The following ANKFN1 variants were observed in gnomAD, a reference collection of about 807,000 sequenced individuals.
ANKFN1 encodes ankyrin repeat and fibronectin type-III domain-containing protein 1.
In ANKFN1, 74 loss-of-function variants were observed where a neutral mutation model predicts 108.7. The observed-to-expected ratio is 0.68, with a 90% confidence interval of 0.56 to 0.83. The LOEUF (loss-of-function observed/expected upper bound fraction) is 0.83. ANKFN1 is among the 40% of genes least tolerant of loss of function. The pLI, the probability that ANKFN1 is intolerant of heterozygous loss-of-function variation, is 0.00. For synonymous variants in ANKFN1, 547 were observed against 516.2 expected, an observed-to-expected ratio of 1.06 and a Z score of -0.81; for missense variants, 1,505 against 1,382.3, an observed-to-expected ratio of 1.09 and a Z score of -1.41.
chr17:56,197,641 A>G (rs1418136707), intron 1 of ANKFN1, among the ~76,000 whole-genome samples: 1 of 152,238 alleles, frequency 6.6e-6, no homozygotes, highest in African/African-American at 2.4e-5. Flanking sequence ...TGCTGACTGC[A>G]GGAACTCTCT....
In ANKFN1 at chr17:56,215,024, T is replaced by C. The variant is rs144306439; in HGVS notation, c.12+2345T>C. 1.7e-3 allele frequency among the ~76,000 whole-genome samples: 262 copies of C among 152,274 alleles called. 3 individuals carry two copies. The highest frequency in any genetic ancestry group is 6.1e-3 in the African/African-American group (252 of 41,550). Reference sequence around the variant, plus strand: ...TCCCCATCCACATAACTGGAGGAAATCCACTCACTTTTCCAATATCTCTGA... The same window carrying C: ...TCCCCATCCACATAACTGGAGGAAACCCACTCACTTTTCCAATATCTCTGA... On this transcript the variant is annotated intron_variant, in intron 2 of 20. Transcript: ENST00000682825.
chr17:56,413,258 T>C, intron 8 of ANKFN1, among the ~76,000 whole-genome samples: 1 of 152,202 alleles, frequency 6.6e-6, no homozygotes, highest in Non-Finnish European at 1.5e-5. Flanking sequence ...GCTAGTGAGT[T>C]TTGAACATTG....
At chr17:56,305,414 G>A (rs1297868745) in intron 3 of ANKFN1, among the ~76,000 whole-genome samples, 1 of 152,066 alleles carries the variant, frequency 6.6e-6, no homozygotes, top group African/African-American at 2.4e-5. Flanking sequence ...TATTTCAAAT[G>A]CTGATTTCAT....
intron 6 of ANKFN1, among the ~76,000 whole-genome samples, chr17:56,354,657 G>A (rs915508929): frequency 1.3e-5 from 2 of 152,186 alleles, no homozygotes; most frequent in Admixed American, 6.5e-5. Flanking sequence ...TTTTAAATAG[G>A]GTTGATACCC....
chr17:56,192,952 CAT>C (rs1222147990), intron 1 of ANKFN1, among the ~76,000 whole-genome samples: 1 of 142,214 alleles, frequency 7.0e-6, no homozygotes, highest in African/African-American at 2.7e-5. Flanking sequence ...CACATGCACA[CAT>C]ATGTTTATTG....
chr17:56,082,463 G>A (rs1905260719), intron 4 of ANKFN1, among the ~76,000 whole-genome samples: 1 of 150,944 alleles, frequency 6.6e-6, no homozygotes. Flanking sequence ...ACGAGGCACT[G>A]AGCCTTGTCA....
At chr17:56,210,085 GA>G (rs1914867366) in intron 1 of ANKFN1, among the ~76,000 whole-genome samples, 3 of 152,122 alleles carry the variant, frequency 2.0e-5, no homozygotes, top group African/African-American at 7.2e-5. Context: ...TAGATAGATA[GA>G]TAGATAGATA....
At chr17:56,245,693 A>G (rs936696962) in intron 3 of ANKFN1, 2 of 152,172 alleles carry the variant, frequency 1.3e-5, no homozygotes, top group African/African-American at 4.8e-5. Flanking sequence ...TAATTATGTC[A>G]TTAAAATGAA....
intron 3 of ANKFN1, among the ~76,000 whole-genome samples, chr17:56,258,693 G>A (rs992497538): frequency 6.6e-6 from 1 of 152,078 alleles, no homozygotes; most frequent in Non-Finnish European, 1.5e-5. Flanking sequence ...GGCGGATCAC[G>A]AGGTCAGGAG....
chr17:56,372,726 CAGGTGG>C lies in ANKFN1; in HGVS notation c.685_690del (p.Val229_Glu230del). 6.2e-7 allele frequency: 1 copy of C among 1,613,952 alleles called. No individual in the cohort carries two copies. The highest frequency in any genetic ancestry group is 8.5e-7 in the Non-Finnish European group (1 of 1,179,958). On this transcript the variant is annotated inframe_deletion, in exon 7 of 21. Coordinates refer to ENST00000682825, the MANE Select transcript of ANKFN1 (RefSeq NM_001370326.1). Reference sequence around the variant, plus strand: ...GGAGAGGGTGAGTGAACTGTCTGCCCAGGTGGAGAATGAAGGATTCACTCTGGACAA... The same window carrying C: ...GGAGAGGGTGAGTGAACTGTCTGCCCAGAATGAAGGATTCACTCTGGACAA...
At chr17:56,141,402 G>A (rs1273323951) in intron 4 of ANKFN1, among the ~76,000 whole-genome samples, 1 of 152,112 alleles carries the variant, frequency 6.6e-6, no homozygotes, top group African/African-American at 2.4e-5. Flanking sequence ...CTTTGAAAGG[G>A]CATGTGCCTG....
upstream of ANKFN1, among the ~76,000 whole-genome samples, chr17:56,150,475 C>T (rs1209724632): frequency 6.6e-6 from 1 of 152,176 alleles, no homozygotes; most frequent in Non-Finnish European, 1.5e-5. Context: ...CCTCATTTGT[C>T]TCACTTAGCT....
rs1403980917 is a variant in ANKFN1 at position 56,499,093 on chromosome 17, T to C, written c.2639T>C (p.Val880Ala). 3.3e-6 allele frequency: 5 copies of C among 1,534,972 alleles called. No individual in the cohort carries two copies. In the African/African-American group the frequency reaches 5.5e-5, roughly 17 times the overall value. Residue 880 changes from valine (V) to alanine (A), a missense_variant, in exon 20 of 21, where the codon GTG (valine) becomes GCG (alanine). Transcript: ENST00000682825. ...CCAGAGATGCACAGAAGAAAGACAGTGAGTGGTAAGCAATGAGATCTGAAG... is the reference window on the plus strand; with the variant it reads ...CCAGAGATGCACAGAAGAAAGACAGCGAGTGGTAAGCAATGAGATCTGAAG... ...PSPEMHRRKT[V>A]SDSQPCSDEE... is the part of the protein sequence containing the mutation.
intron 4 of ANKFN1, among the ~76,000 whole-genome samples, chr17:56,139,527 T>C (rs886203454): frequency 7.9e-5 from 12 of 152,136 alleles, no homozygotes; most frequent in Non-Finnish European, 1.5e-4. Flanking sequence ...AAAAACAAAT[T>C]TGGATTTGAG....
At chr17:56,249,236 A>T (rs1268984513) in intron 3 of ANKFN1, among the ~76,000 whole-genome samples, 4 of 152,244 alleles carry the variant, frequency 2.6e-5, no homozygotes, top group Non-Finnish European at 5.9e-5. Flanking sequence ...GGAGTTCGAG[A>T]CCAGCCTGGC....
intron 4 of ANKFN1, among the ~76,000 whole-genome samples, chr17:56,112,262 T>G (rs1300780082): frequency 6.6e-6 from 1 of 152,102 alleles, no homozygotes. Flanking sequence ...GGGAGTTGAC[T>G]TACAGAAGGA....
intron 1 of ANKFN1, among the ~76,000 whole-genome samples, chr17:56,201,308 CTT>C (rs1276612934): frequency 5.9e-5 from 9 of 152,180 alleles, no homozygotes; most frequent in Non-Finnish European, 1.2e-4. Flanking sequence ...TCCCTCCTCT[CTT>C]TTCCAAGTTA....
intron 3 of ANKFN1, among the ~76,000 whole-genome samples, chr17:56,260,368 T>G (rs2043477355): frequency 6.6e-6 from 1 of 152,176 alleles, no homozygotes; most frequent in South Asian, 2.1e-4. Context: ...TTAGTGCTCC[T>G]TGGAATTGCC....
intron 4 of ANKFN1, among the ~76,000 whole-genome samples, chr17:56,061,672 T>TAGC (rs895092167): frequency 2.0e-5 from 3 of 152,142 alleles, no homozygotes; most frequent in Non-Finnish European, 4.4e-5. Flanking sequence ...TTAGTCTAGC[T>TAGC]AGCAATCTAT....
Sources: gnomAD v4.1 joint callset for allele counts (sites outside exome capture counted in the v4.1 genomes callset) on GRCh38, gnomAD v4.1.1 for gene constraint, MANE v1.5 for transcripts, NCBI Gene and HGNC (gene_info 2026-07-23, HGNC 2026-07-21) for gene names.